Variants in LATS2 observed in about 807,000 individuals in gnomAD.
LATS2 encodes the protein large tumor suppressor kinase 2, also known as serine/threonine-protein kinase LATS2.
Under a neutral mutation model 76.0 loss-of-function variants are expected in LATS2, and 24 were observed. That is an observed-to-expected ratio of 0.32 (90% CI 0.23 to 0.44). LATS2 has a LOEUF of 0.44. LATS2 is among the 20% of genes least tolerant of loss of function. The pLI, the probability that LATS2 is intolerant of heterozygous loss-of-function variation, is 1.00. For synonymous variants in LATS2, 692 were observed against 635.4 expected, an observed-to-expected ratio of 1.09 and a Z score of -1.34; for missense variants, 1,286 against 1,481.2, an observed-to-expected ratio of 0.87 and a Z score of 2.16.
intron 2 of LATS2, among the ~76,000 whole-genome samples, chr13:21,036,966 C>T (rs550644426): frequency 1.3e-5 from 2 of 152,192 alleles, no homozygotes; most frequent in Non-Finnish European, 2.9e-5. Context: ...TCAACATTTA[C>T]GCTAGTAATT....
chr13:21,021,428 G>A (rs1337905634), intron 2 of LATS2, among the ~76,000 whole-genome samples: 1 of 129,186 alleles, frequency 7.7e-6, no homozygotes, highest in Non-Finnish European at 1.6e-5. Context: ...AACTGGGATT[G>A]TGCCACTGCA....
chr13:20,989,354 G>A (rs1183979137), intron 3 of LATS2, 50 bp from the exon 4 acceptor site: 65 of 1,595,606 alleles, frequency 4.1e-5, no homozygotes, highest in Non-Finnish European at 5.6e-5. Flanking sequence ...GTGATCAGTG[G>A]GTTCTGGCAC....
chr13:21,035,449 C>T (rs1293793126), intron 2 of LATS2, among the ~76,000 whole-genome samples: 1 of 152,132 alleles, frequency 6.6e-6, no homozygotes, highest in Non-Finnish European at 1.5e-5. Flanking sequence ...GAAGCCCCCA[C>T]ACAGAATTGC....
chr13:21,029,647 C>T (rs940272279), intron 2 of LATS2, among the ~76,000 whole-genome samples: 2 of 150,846 alleles, frequency 1.3e-5, no homozygotes, highest in Non-Finnish European at 3.0e-5. Flanking sequence ...AAAAATTAGC[C>T]GGGTGTGGTG....
chr13:21,009,553 A>C (rs558211640), intron 2 of LATS2, among the ~76,000 whole-genome samples: 1 of 152,334 alleles, frequency 6.6e-6, no homozygotes, highest in Admixed American at 6.5e-5. Context: ...GTAGGTAACA[A>C]ACACATATAT....
intron 4 of LATS2, among the ~76,000 whole-genome samples, chr13:20,986,196 C>T (rs1345605426): frequency 6.6e-6 from 1 of 151,982 alleles, no homozygotes; most frequent in Non-Finnish European, 1.5e-5. Flanking sequence ...CCAGTTAGAA[C>T]GACTATTATC....
chr13:21,045,761 T>C lies in LATS2; in HGVS notation c.266A>G (p.Asn89Ser). 3 of 1,614,232 alleles carry C rather than the reference T, an allele frequency of 1.9e-6. No homozygotes were observed. Among genetic ancestry groups the C allele is most frequent in the South Asian group, 1.1e-5 (1 of 91,086 alleles). The change falls in exon 2 of 8, where the codon AAT (asparagine) becomes AGT (serine). Residue 89 changes from asparagine to serine, a missense_variant. Coordinates refer to ENST00000382592, the MANE Select transcript of LATS2 (RefSeq NM_014572.3). ...TGCAGCTGCAGAGGTGCCCGATTCA[T>C]TAGCAAAAGGCAACAAGGAATATCT... is the stretch of plus-strand genomic sequence containing the variant. ...EIRYSLLPFANESGTSAAAEV... is the reference protein window; with the variant it reads ...EIRYSLLPFASESGTSAAAEV...
At chr13:20,982,551 T>C (rs1168397551) in intron 5 of LATS2, among the ~76,000 whole-genome samples, 1 of 151,882 alleles carries the variant, frequency 6.6e-6, no homozygotes, top group Non-Finnish European at 1.5e-5. Flanking sequence ...CCCCAGGTGA[T>C]CCGCCCACCT....
chr13:21,047,066 G>A (rs779957444), intron 1 of LATS2, among the ~76,000 whole-genome samples: 3 of 152,064 alleles, frequency 2.0e-5, no homozygotes, highest in East Asian at 1.9e-4. Context: ...AAATGGCCTC[G>A]TTACATGGAA....
At position 21,007,571 on chromosome 13, in the gene LATS2, A is replaced by AG. The variant is rs553713313; in HGVS notation, c.343-16168_343-16167insC. Among the ~76,000 whole-genome samples the AG allele has an allele frequency of 7.6e-4, 14 of 18,504 alleles. 2 individuals are homozygous for AG. The highest frequency in any genetic ancestry group is 6.5e-3 in the African/African-American group (10 of 1,550). 12.1% of individuals were successfully genotyped at this position (18,504 alleles called of 152,430 possible). On this transcript the variant is annotated intron_variant, in intron 2 of 7. Transcript: ENST00000382592. The stretch of plus-strand genomic sequence containing the variant: ...TATATATATATATATATATATATAT[A>AG]TATATATATATATATAGTATATATA...
intron 1 of LATS2, among the ~76,000 whole-genome samples, chr13:21,055,323 T>C (rs1284245694): frequency 6.6e-6 from 1 of 152,118 alleles, no homozygotes. Flanking sequence ...AAAATGGGGA[T>C]ATCAAGCAAA....
At chr13:20,981,404 A>AG in intron 6 of LATS2, 62 bp downstream of exon 6, 1 of 1,461,310 alleles carries the variant, frequency 6.8e-7, no homozygotes, top group Non-Finnish European at 9.3e-7. Context: ...AGCCAGCGAG[A>AG]CTCAGCTCAC....
At chr13:21,005,996 G>A (rs1005415189) in intron 2 of LATS2, among the ~76,000 whole-genome samples, 3 of 151,722 alleles carry the variant, frequency 2.0e-5, no homozygotes, top group Non-Finnish European at 4.4e-5. Flanking sequence ...GTCTGTAATC[G>A]AGTGGTGGCG....
chr13:21,017,826 AT>A (rs1871870180), intron 2 of LATS2, among the ~76,000 whole-genome samples: 1 of 152,026 alleles, frequency 6.6e-6, no homozygotes, highest in Admixed American at 6.6e-5. Flanking sequence ...GGGTTTCACC[AT>A]GTTGGCCAGA....
chr13:21,009,918 G>A (rs569545255), intron 2 of LATS2, among the ~76,000 whole-genome samples: 1 of 152,220 alleles, frequency 6.6e-6, no homozygotes, highest in Admixed American at 6.5e-5. Flanking sequence ...AACACAGAAG[G>A]GCCAGGCGTG....
chr13:21,029,816 G>T (rs1229727756), intron 2 of LATS2, among the ~76,000 whole-genome samples: 1 of 152,112 alleles, frequency 6.6e-6, no homozygotes, highest in Non-Finnish European at 1.5e-5. Flanking sequence ...AGATATTGGG[G>T]ATGGGCGTAG....
chr13:20,987,902 C>T lies in LATS2; in HGVS notation c.1878G>A (p.Gln626=). Residue 626 remains glutamine (Q), a synonymous_variant, in exon 4 of 8, where the codon CAG becomes CAA. Transcript: ENST00000382592. ...TYQQKVNRRL[Q]LEQEMAKAGL... is the part of the protein sequence containing the mutation. ...TTACTTTGGCCATTTCTTGCTCCAGCTGCAGCCTCCGGTTAACCTTCTGCT... is the reference window on the plus strand; with the variant it reads ...TTACTTTGGCCATTTCTTGCTCCAGTTGCAGCCTCCGGTTAACCTTCTGCT... 1 of 1,613,042 alleles carries T rather than the reference C, an allele frequency of 6.2e-7. No homozygotes were observed. The highest frequency in any genetic ancestry group is 8.5e-7 in the Non-Finnish European group (1 of 1,179,152).
At chr13:21,017,625 C>CTTTTTTT in intron 2 of LATS2, among the ~76,000 whole-genome samples, 1 of 142,230 alleles carries the variant, frequency 7.0e-6, no homozygotes, top group Non-Finnish European at 1.6e-5. Flanking sequence ...TCATTTCTTT[C>CTTTTTTT]TTTTTTTTTT....
chr13:21,003,536 G>A (rs1356740490), intron 2 of LATS2, among the ~76,000 whole-genome samples: 1 of 151,916 alleles, frequency 6.6e-6, no homozygotes, highest in Non-Finnish European at 1.5e-5. Flanking sequence ...CACCTCCTGG[G>A]CTCAAGCAGT....
Sources: allele counts gnomAD v4.1 joint callset (sites outside exome capture counted in the v4.1 genomes callset), GRCh38; gene constraint gnomAD v4.1.1; transcripts MANE v1.5; gene names NCBI Gene and HGNC (gene_info 2026-07-23, HGNC 2026-07-21).